Variants in MAGI2 observed in about 807,000 individuals in gnomAD.
The protein encoded by MAGI2 is membrane-associated guanylate kinase, WW and PDZ domain-containing protein 2.
A neutral mutation model predicts 133.3 loss-of-function variants in MAGI2; 35 were observed. That is an observed-to-expected ratio of 0.26 (90% CI 0.20 to 0.35). MAGI2 has a LOEUF of 0.35. MAGI2 is among the 10% of genes least tolerant of loss of function. MAGI2 has a pLI of 1.00. For synonymous variants in MAGI2, 729 were observed against 710.6 expected (o/e 1.03, Z -0.41); for missense variants, 1,636 against 1,863.4 (o/e 0.88, Z 2.25).
At chr7:79,227,610 T>C (rs1468659) in intron 1 of MAGI2, among the ~76,000 whole-genome samples, 2,241 of 152,328 alleles carry the variant, frequency 0.015, 53 homozygotes, top group African/African-American at 0.051. Flanking sequence ...AAATATAATG[T>C]CACTTCTTTC....
intron 6 of MAGI2, among the ~76,000 whole-genome samples, chr7:78,423,832 A>G (rs1051835001): frequency 1.3e-5 from 2 of 152,186 alleles, no homozygotes; most frequent in African/African-American, 4.8e-5. Flanking sequence ...TGGCAGAAGA[A>G]GTTTCTAAGC....
chr7:78,748,833 C>T (rs1237285137), intron 2 of MAGI2, among the ~76,000 whole-genome samples: 1 of 152,082 alleles, frequency 6.6e-6, no homozygotes, highest in East Asian at 1.9e-4. Context: ...TAATCAAGCT[C>T]AAAAATCAAA....
At chr7:78,286,983 G>C (rs578091833) in intron 9 of MAGI2, among the ~76,000 whole-genome samples, 2 of 152,132 alleles carry the variant, frequency 1.3e-5, no homozygotes, top group Non-Finnish European at 2.9e-5. Context: ...GGCTGCACAT[G>C]GTAAGTTGGG....
intron 8 of MAGI2, among the ~76,000 whole-genome samples, chr7:78,344,653 A>G (rs1200649541): frequency 6.6e-6 from 1 of 152,252 alleles, no homozygotes; most frequent in African/African-American, 2.4e-5. Flanking sequence ...AGTGTTTAGT[A>G]TACTCTAAAA....
intron 1 of MAGI2, among the ~76,000 whole-genome samples, chr7:79,259,426 G>A (rs1833921935): frequency 6.6e-6 from 1 of 152,076 alleles, no homozygotes; most frequent in Admixed American, 6.6e-5. Flanking sequence ...AATTTCTTAT[G>A]CATCATCTGG....
chr7:78,381,462 A>G (rs1794918291), intron 6 of MAGI2, among the ~76,000 whole-genome samples: 1 of 152,202 alleles, frequency 6.6e-6, no homozygotes, highest in Non-Finnish European at 1.5e-5. Context: ...ATTTAACTAC[A>G]TAAAAACAGA....
At position 78,575,336 on chromosome 7, in the gene MAGI2, ATGAT is replaced by A. The variant is rs555591635; in HGVS notation, c.538+51780_538+51783del. ...TATGATTACTTTTTGCACCAACCTA[ATGAT>A]TGATTGAATGAATAAATGAGGTAGA... On this transcript the variant is annotated intron_variant, in intron 3 of 21. Coordinates refer to ENST00000354212, the MANE Select transcript of MAGI2 (RefSeq NM_012301.4). 2.9e-4 allele frequency among the ~76,000 whole-genome samples: 44 copies of A among 152,284 alleles called. No homozygotes were observed. The East Asian group carries it at 7.3e-3, about 25-fold the overall frequency.
intron 9 of MAGI2, among the ~76,000 whole-genome samples, chr7:78,310,688 A>G (rs1798629540): frequency 6.6e-6 from 1 of 152,186 alleles, no homozygotes. Flanking sequence ...CCATGAAGAG[A>G]GGACAAGCTT....
At chr7:78,526,810 C>G (rs1248125494) in intron 3 of MAGI2, among the ~76,000 whole-genome samples, 1 of 151,686 alleles carries the variant, frequency 6.6e-6, no homozygotes, top group South Asian at 2.1e-4. Flanking sequence ...GAGATAGAGA[C>G]CATCCTGGCC....
chr7:78,880,950 C>T (rs1795796657), intron 2 of MAGI2, among the ~76,000 whole-genome samples: 3 of 151,978 alleles, frequency 2.0e-5, no homozygotes, highest in Admixed American at 1.3e-4. Flanking sequence ...GACTTTAAAC[C>T]AATGACAGCA....
At chr7:79,253,450 C>T (rs1833466639) in intron 1 of MAGI2, among the ~76,000 whole-genome samples, 1 of 152,068 alleles carries the variant, frequency 6.6e-6, no homozygotes, top group Admixed American at 6.6e-5. Flanking sequence ...TGAGAGCAGC[C>T]TGGCCAACAT....
chr7:78,950,846 G>T (rs1445888513), intron 2 of MAGI2, among the ~76,000 whole-genome samples: 1 of 151,948 alleles, frequency 6.6e-6, no homozygotes, highest in African/African-American at 2.4e-5. Context: ...TTAGAACAGG[G>T]AAAAATCTAT....
chr7:78,490,540 G>A (rs1186330766), intron 5 of MAGI2, among the ~76,000 whole-genome samples: 1 of 152,044 alleles, frequency 6.6e-6, no homozygotes, highest in East Asian at 1.9e-4. Context: ...AAAAGTAAAG[G>A]AGAGATATTC....
chr7:79,209,251 A>G (rs558415382), intron 1 of MAGI2, among the ~76,000 whole-genome samples: 1 of 152,142 alleles, frequency 6.6e-6, no homozygotes, highest in East Asian at 1.9e-4. Flanking sequence ...CATAATGTGT[A>G]TATACTTCAA....
chr7:78,939,581 A>G (rs745486407), intron 2 of MAGI2, among the ~76,000 whole-genome samples: 2 of 152,172 alleles, frequency 1.3e-5, no homozygotes, highest in Non-Finnish European at 2.9e-5. Flanking sequence ...TCTTAATTTC[A>G]TGAGCAATCA....
chr7:78,769,866 A>G (rs893934654), intron 2 of MAGI2, among the ~76,000 whole-genome samples: 5 of 152,142 alleles, frequency 3.3e-5, no homozygotes, highest in African/African-American at 9.7e-5. Context: ...ACTGCATCCT[A>G]TTCAGAACTA....
intron 20 of MAGI2, 147 bp from the exon 21 acceptor site, chr7:78,079,232 C>A: frequency 1.4e-6 from 1 of 739,182 alleles, no homozygotes; most frequent in Non-Finnish European, 2.3e-6. Context: ...GAGGCTATTC[C>A]CTGGCTGCAT....
chr7:78,865,258 G>T (rs1250873461), intron 2 of MAGI2, among the ~76,000 whole-genome samples: 1 of 152,258 alleles, frequency 6.6e-6, no homozygotes, highest in Non-Finnish European at 1.5e-5. Flanking sequence ...AGAAGAAAAG[G>T]ACAACACTTC....
intron 2 of MAGI2, among the ~76,000 whole-genome samples, chr7:78,867,625 G>C (rs187444107): frequency 6.6e-6 from 1 of 151,382 alleles, no homozygotes; most frequent in East Asian, 2.0e-4. Context: ...ACACCAGCAT[G>C]GCAATGTATA....
Sources: allele counts gnomAD v4.1 joint callset (sites outside exome capture counted in the v4.1 genomes callset), GRCh38; gene constraint gnomAD v4.1.1; transcripts MANE v1.5; gene names NCBI Gene and HGNC (gene_info 2026-07-23, HGNC 2026-07-21).